The following CDH19 variants were observed in gnomAD, a reference collection of about 807,000 sequenced individuals.
CDH19 encodes cadherin-19.
In CDH19, 67 loss-of-function variants were observed where a neutral mutation model predicts 64.2. The ratio of observed to expected loss-of-function variants is 1.04; its 90% CI spans 0.86 to 1.28. CDH19 has a LOEUF of 1.28. Ranked by LOEUF, CDH19 falls within the 50% of genes most tolerant of loss-of-function variation. The pLI, the probability that CDH19 is intolerant of heterozygous loss-of-function variation, is 0.00. For synonymous variants in CDH19, 346 were observed against 319.3 expected, an observed-to-expected ratio of 1.08 and a Z score of -0.89; for missense variants, 1,030 against 929.0, an observed-to-expected ratio of 1.11 and a Z score of -1.41.
intron 5 of CDH19, 101 bp from the exon 6 acceptor site, chr18:66,545,004 A>C (rs1249677106): frequency 7.9e-6 from 7 of 882,950 alleles, no homozygotes; most frequent in African/African-American, 3.4e-5. Flanking sequence ...TTCGAGACGG[A>C]GTCTCATTCT....
intron 8 of CDH19, among the ~76,000 whole-genome samples, chr18:66,533,728 G>GA (rs897165758): frequency 7.2e-4 from 108 of 150,562 alleles, no homozygotes; most frequent in African/African-American, 1.4e-3. Context: ...TCATTTGCTG[G>GA]AAAAAAAAAA....
At chr18:66,517,786 G>T (rs1451843225) in intron 9 of CDH19, among the ~76,000 whole-genome samples, 4 of 151,822 alleles carry the variant, frequency 2.6e-5, no homozygotes, top group African/African-American at 7.2e-5. Flanking sequence ...TTCTGTTAAT[G>T]ATTTTAATTA....
At chr18:66,509,968 T>A (rs1985393071) in intron 10 of CDH19, among the ~76,000 whole-genome samples, 1 of 151,790 alleles carries the variant, frequency 6.6e-6, no homozygotes, top group Non-Finnish European at 1.5e-5. Flanking sequence ...TTCAAAAAAA[T>A]TCATGAAAAC....
In CDH19 at chr18:66,505,304, T is replaced by C. The variant is rs1312227768; in HGVS notation, c.1829-2A>G. On this transcript the variant is annotated splice_acceptor_variant, in intron 11 of 11. Transcript: ENST00000262150. LOFTEE classifies it high-confidence loss of function. ...AACCCAAAGTCAAAAAAATAAACCC[T>C]GATGAAGAAAGCACATCAGAATATC... The C allele has an allele frequency of 5.8e-6, 9 of 1,542,220 alleles. No individual in the cohort carries two copies. The highest frequency in any genetic ancestry group is 1.8e-4 in the Middle Eastern group (1 of 5,708).
chr18:66,544,525 A>T (rs917935114), intron 6 of CDH19, among the ~76,000 whole-genome samples, 194 bp downstream of exon 6: 3 of 151,984 alleles, frequency 2.0e-5, no homozygotes, highest in Non-Finnish European at 2.9e-5. Context: ...TATTAGAATT[A>T]AAAAAATGTT....
intron 1 of CDH19, among the ~76,000 whole-genome samples, chr18:66,580,020 G>C (rs1347278178): frequency 6.6e-6 from 1 of 151,972 alleles, no homozygotes; most frequent in Non-Finnish European, 1.5e-5. Context: ...TTGAGTTCGG[G>C]TCACGAGTAT....
intron 7 of CDH19, among the ~76,000 whole-genome samples, chr18:66,542,544 A>T (rs772633295): frequency 6.6e-6 from 1 of 152,202 alleles, no homozygotes; most frequent in South Asian, 2.1e-4. Flanking sequence ...GTAACTGAAA[A>T]TAACAGACTA....
At chr18:66,590,516 C>T (rs1189832366) in intron 1 of CDH19, among the ~76,000 whole-genome samples, 4 of 120,592 alleles carry the variant, frequency 3.3e-5, no homozygotes, top group Non-Finnish European at 5.2e-5. Flanking sequence ...TTCTGGAATA[C>T]GTATATCTTT....
intron 5 of CDH19, 85 bp from the exon 6 acceptor site, chr18:66,544,988 T>C (rs914427366): frequency 9.2e-7 from 1 of 1,085,424 alleles, no homozygotes. Context: ...TTTGTTTGTT[T>C]GTTTTTTCGA....
chr18:66,596,308 C>G (rs1288819313), intron 1 of CDH19: 1 of 152,002 alleles, frequency 6.6e-6, no homozygotes, highest in African/African-American at 2.4e-5. Context: ...GAAGTCCTAA[C>G]CAGAGAAATA....
At chr18:66,558,105 T>C (rs893348312) in intron 3 of CDH19, among the ~76,000 whole-genome samples, 3 of 150,604 alleles carry the variant, frequency 2.0e-5, no homozygotes, top group Admixed American at 6.7e-5. Flanking sequence ...CATAGCGCCA[T>C]TGCACTCCAG....
At chr18:66,591,862 T>A (rs1988756598) in intron 1 of CDH19, among the ~76,000 whole-genome samples, 1 of 151,874 alleles carries the variant, frequency 6.6e-6, no homozygotes, top group South Asian at 2.1e-4. Flanking sequence ...TCAGTGAGTA[T>A]CTGCCTACTG....
intron 3 of CDH19, among the ~76,000 whole-genome samples, chr18:66,561,700 A>G (rs575128422): frequency 6.6e-6 from 1 of 152,240 alleles, no homozygotes; most frequent in East Asian, 1.9e-4. Flanking sequence ...AATCAAAATG[A>G]CTTGTAGTTT....
rs781464637 is a variant in CDH19 at position 66,544,757 on chromosome 18, T to C, written c.922A>G (p.Asn308Asp). The C allele has an allele frequency of 6.2e-7, 1 of 1,611,166 alleles. No homozygotes were observed. Among genetic ancestry groups the C allele is most frequent in the Admixed American group, 1.7e-5 (1 of 59,876 alleles). Reference protein sequence around the residue: ...DDSQTFDIITNHETQEGIVIL... With the variant: ...DDSQTFDIITDHETQEGIVIL... ...ACTATTCCTTCTTGAGTTTCATGAT[T>C]AGTAATAATGTCAAATGTTTGCGAA... is the stretch of plus-strand genomic sequence containing the variant. Residue 308 changes from asparagine (N) to aspartate (D), a missense_variant, in exon 6 of 12, where the codon AAT (asparagine) becomes GAT (aspartate). By Grantham distance (23) the Asn-to-Asp change is conservative. Transcript: ENST00000262150.
At chr18:66,595,803 C>T (rs1988872001) in intron 1 of CDH19, among the ~76,000 whole-genome samples, 1 of 152,096 alleles carries the variant, frequency 6.6e-6, no homozygotes, top group Admixed American at 6.6e-5. Context: ...GGACTCCTTT[C>T]TAACTCGTTC....
At chr18:66,560,980 T>C (rs1035471588) in intron 3 of CDH19, among the ~76,000 whole-genome samples, 2 of 152,072 alleles carry the variant, frequency 1.3e-5, no homozygotes, top group African/African-American at 4.8e-5. Flanking sequence ...TAGAGAAGAT[T>C]TTAACATTAA....
At chr18:66,505,414 A>C in intron 11 of CDH19, 112 bp from the exon 12 acceptor site, 1 of 804,988 alleles carries the variant, frequency 1.2e-6, no homozygotes, top group Non-Finnish European at 1.7e-6. Context: ...TATGATTATA[A>C]AACAAAAAGA....
intron 8 of CDH19, among the ~76,000 whole-genome samples, chr18:66,532,868 A>G (rs1414599442): frequency 1.3e-5 from 2 of 152,186 alleles, no homozygotes; most frequent in Non-Finnish European, 2.9e-5. Flanking sequence ...CAGTGAATAT[A>G]GAATGAATTC....
At chr18:66,534,886 C>G in intron 8 of CDH19, 100 bp downstream of exon 8, 1 of 763,084 alleles carries the variant, frequency 1.3e-6, no homozygotes, top group Non-Finnish European at 1.9e-6. Context: ...TTAAATAATT[C>G]CAACAACATT....
Sources: allele counts gnomAD v4.1 joint callset (sites outside exome capture counted in the v4.1 genomes callset), GRCh38; gene constraint gnomAD v4.1.1; transcripts MANE v1.5; gene names NCBI Gene and HGNC (gene_info 2026-07-23, HGNC 2026-07-21).